LIG1: variants seen among roughly 807,000 people sequenced by gnomAD.
LIG1 encodes DNA ligase 1, also known as ligase I, DNA, ATP-dependent.
A neutral mutation model predicts 115.7 loss-of-function variants in LIG1; 70 were observed. The ratio of observed to expected loss-of-function variants is 0.60; its 90% CI spans 0.50 to 0.74. The LOEUF (loss-of-function observed/expected upper bound fraction) is 0.74. LIG1 is among the 30% of genes least tolerant of loss of function. LIG1 has a pLI of 0.00. For synonymous variants in LIG1, 487 were observed against 495.3 expected (o/e 0.98, Z 0.22); for missense variants, 1,115 against 1,225.6 (o/e 0.91, Z 1.35).
chr19:48,149,990 G>A, intron 8 of LIG1, 98 bp downstream of exon 8: 1 of 1,596,896 alleles, frequency 6.3e-7, no homozygotes, highest in Non-Finnish European at 8.6e-7. Flanking sequence ...AGCAGGAAAG[G>A]AAGAAGGGTC....
At chr19:48,117,375 G>A (rs1341170807) in intron 26 of LIG1, among the ~76,000 whole-genome samples, 3 of 151,414 alleles carry the variant, frequency 2.0e-5, no homozygotes, top group African/African-American at 7.3e-5. Context: ...GGCCAGGCTG[G>A]CCTTGAACTC....
chr19:48,158,701 G>A (rs569592267), intron 4 of LIG1, among the ~76,000 whole-genome samples: 126 of 152,370 alleles, frequency 8.3e-4, no homozygotes, highest in Non-Finnish European at 1.4e-3. Flanking sequence ...GCAGCTGCTG[G>A]ATCCCACTGA....
intron 25 of LIG1, 81 bp from the exon 26 acceptor site, chr19:48,117,862 G>A (rs953549623): frequency 1.3e-6 from 2 of 1,519,512 alleles, no homozygotes; most frequent in Non-Finnish European, 1.8e-6. Context: ...TGGGGAGAGG[G>A]AGGAAGGGAA....
intron 18 of LIG1, among the ~76,000 whole-genome samples, chr19:48,132,236 G>A (rs1390917020): frequency 6.6e-6 from 1 of 152,124 alleles, no homozygotes; most frequent in African/African-American, 2.4e-5. Flanking sequence ...CCCCAGGTGA[G>A]AAGGCCCCAC....
intron 1 of LIG1, among the ~76,000 whole-genome samples, chr19:48,167,447 G>A (rs1054601708): frequency 5.3e-5 from 8 of 151,886 alleles, no homozygotes; most frequent in Admixed American, 5.3e-4. Context: ...TCTCTGTCCC[G>A]CACCACACGC....
rs745363891 is a variant in LIG1 at position 48,123,008 on chromosome 19, C to T, written c.2158G>A (p.Glu720Lys). 8 of 1,613,640 alleles carry T rather than the reference C, an allele frequency of 5.0e-6. No homozygotes were observed. The highest frequency in any genetic ancestry group is 1.7e-5 in the Admixed American group (1 of 59,912). Residue 720 changes from glutamate to lysine, a missense_variant, in exon 23 of 28, where the codon GAG becomes AAG. Glu to Lys is a moderately conservative substitution (Grantham distance 56, BLOSUM62 1). Transcript: ENST00000263274. ...TCCAGGGTCTTCACCATCAGCCCCT[C>T]GCAGGAGTCTGAGGGAGACACAGAA... Reference protein sequence around the residue: ...FLEQSVKDSCEGLMVKTLDVD... With the variant: ...FLEQSVKDSCKGLMVKTLDVD...
At chr19:48,153,994 C>G in intron 5 of LIG1, 27 bp from the exon 6 acceptor site, 1 of 1,592,590 alleles carries the variant, frequency 6.3e-7, no homozygotes, top group East Asian at 2.2e-5. Flanking sequence ...CTTGGTGTAT[C>G]TGACCTCGCT....
At chr19:48,117,840 G>A (rs1022913320) in intron 25 of LIG1, 59 bp from the exon 26 acceptor site, 1 of 1,586,266 alleles carries the variant, frequency 6.3e-7, no homozygotes, top group African/African-American at 1.3e-5. Context: ...TCAAGGCCAA[G>A]TGTTGGAGGG....
intron 16 of LIG1, among the ~76,000 whole-genome samples, chr19:48,134,443 A>C (rs865937464): frequency 2.0e-4 from 31 of 152,236 alleles, no homozygotes; most frequent in African/African-American, 2.9e-4. Flanking sequence ...GCATCACTTG[A>C]GCCCAGGAGT....
Position 48,124,907 on chromosome 19 carries a change from T to G in LIG1, c.2005-1589A>C, listed in dbSNP as rs532076001. ...GTGGGTGCCTGTAATCCCAGCTACT[T>G]GGGAGGCTGACGCAGGAGAATCACT... On this transcript the variant is annotated intron_variant, in intron 21 of 27. Coordinates refer to ENST00000263274, the MANE Select transcript of LIG1 (RefSeq NM_000234.3). Among the ~76,000 whole-genome samples the G allele has an allele frequency of 2.0e-4, 31 of 151,270 alleles. No homozygotes were observed. In the East Asian group the frequency reaches 5.8e-3, roughly 29 times the overall value.
At chr19:48,157,173 G>A (rs758673679) in intron 4 of LIG1, 33 bp from the exon 5 acceptor site, 53 of 1,580,564 alleles carry the variant, frequency 3.4e-5, no homozygotes, top group Middle Eastern at 1.7e-4. Context: ...TAGAGTGAGC[G>A]GGGGAAGGAG....
chr19:48,133,871 G>C (rs2034201528), intron 17 of LIG1, 110 bp downstream of exon 17: 1 of 855,480 alleles, frequency 1.2e-6, no homozygotes, highest in South Asian at 1.4e-5. Context: ...TTTTGGTGGG[G>C]GAGAGGACTC....
rs1205009805 is a variant in LIG1 at position 48,137,792 on chromosome 19, T to C, written c.1088-104A>G. On this transcript the variant is annotated intron_variant, in intron 12 of 27. Transcript: ENST00000263274. The surrounding 1 kb of genome is among the most constrained non-coding windows in gnomAD (Gnocchi z 4.3). ...AATTTTCTCCAGCTGTGTGTGCTTG[T>C]GGCGAGTCCCTGCACCTCCCTGTGT... 10 of 1,413,398 alleles carry C rather than the reference T, an allele frequency of 7.1e-6. No homozygotes were observed. The highest frequency in any genetic ancestry group is 8.7e-6 in the Non-Finnish European group (9 of 1,031,852). 87.6% of individuals were successfully genotyped at this position (1,413,398 alleles called of 1,614,324 possible). A position where few individuals can be genotyped will look rare whatever the true frequency, so the allele number is the denominator to read the frequency against.
At chr19:48,128,615 T>C (rs1479460725) in intron 19 of LIG1, among the ~76,000 whole-genome samples, 1 of 152,230 alleles carries the variant, frequency 6.6e-6, no homozygotes, top group Non-Finnish European at 1.5e-5. Flanking sequence ...GGCCTTTGCA[T>C]GTGCCGTTCC....
chr19:48,118,413 C>T (rs191935384), intron 25 of LIG1: 34 of 160,774 alleles, frequency 2.1e-4, no homozygotes, highest in Non-Finnish European at 4.0e-4. Flanking sequence ...CCTGCACACG[C>T]TCTCTTGCCT....
chr19:48,135,644 AGCCCCTGGCAACTCCACCCACT>A lies in LIG1; in HGVS notation c.1523+14_1523+35del. On this transcript the variant is annotated intron_variant, in intron 16 of 27. Coordinates refer to ENST00000263274, the MANE Select transcript of LIG1 (RefSeq NM_000234.3). ...ACCCCCACCCTGGCACTCTGCCCAC[AGCCCCTGGCAACTCCACCCACT>A]GCCCAGCTCTCACCAGAACGTCTGC... 1 of 1,522,508 alleles carries A rather than the reference AGCCCCTGGCAACTCCACCCACT, an allele frequency of 6.6e-7. No homozygotes were observed. The highest frequency in any genetic ancestry group is 9.1e-7 in the Non-Finnish European group (1 of 1,097,648). 94.3% of individuals were successfully genotyped at this position (1,522,508 alleles called of 1,614,324 possible).
chr19:48,152,632 A>T (rs2035550318), intron 6 of LIG1, among the ~76,000 whole-genome samples: 1 of 151,996 alleles, frequency 6.6e-6, no homozygotes, highest in Non-Finnish European at 1.5e-5. Flanking sequence ...GATATTTTAG[A>T]TTTTTCAAAG....
At chr19:48,120,208 G>C (rs1014869843) in intron 24 of LIG1, 2 of 985,298 alleles carry the variant, frequency 2.0e-6, no homozygotes, top group Admixed American at 6.1e-5. Flanking sequence ...ACACAGCCAC[G>C]GGGAGCTGGT....
rs55954199 is a variant in LIG1, at chr19:48,127,394, G to A, written c.1933-46C>T. 3.6e-4 allele frequency: 550 copies of A among 1,531,546 alleles called. 1 individual carries two copies. The African/African-American group carries it at 6.9e-3, about 19-fold the overall frequency. 94.9% of individuals were successfully genotyped at this position (1,531,546 alleles called of 1,614,324 possible). On this transcript the variant is annotated intron_variant, in intron 20 of 27. Transcript: ENST00000263274. The stretch of plus-strand genomic sequence containing the variant: ...GTTCGTGAGTGCAGGAAGGTGAGAC[G>A]GGGCACTGTGCCTGAGGCCGACAGC...
Sources: allele counts gnomAD v4.1 joint callset (sites outside exome capture counted in the v4.1 genomes callset), GRCh38; gene constraint gnomAD v4.1.1; non-coding constraint Gnocchi (gnomAD v3.1); transcripts MANE v1.5; gene names NCBI Gene and HGNC (gene_info 2026-07-23, HGNC 2026-07-21).